The following LDAH variants were observed in gnomAD, a reference collection of about 807,000 sequenced individuals.
The protein encoded by LDAH is lipid droplet-associated hydrolase.
A neutral mutation model predicts 29.6 loss-of-function variants in LDAH; 26 were observed. The observed-to-expected ratio is 0.88, with a 90% CI of 0.64 to 1.22. The LOEUF (loss-of-function observed/expected upper bound fraction) is 1.22, where lower values mean the gene tolerates loss of function less well. Among genes scored for constraint, LDAH ranks in the 50% most tolerant of loss-of-function variants. The pLI is 0.00. For synonymous variants in LDAH, 117 were observed against 133.0 expected (o/e 0.88, Z 0.83); for missense variants, 344 against 387.3 (o/e 0.89, Z 0.94).
intron 1 of LDAH, among the ~76,000 whole-genome samples, chr2:20,809,107 G>A (rs1231707462): frequency 6.6e-6 from 1 of 151,732 alleles, no homozygotes; most frequent in Admixed American, 6.6e-5. Context: ...TAAAGGAAAA[G>A]ACTGCCAGGC....
At chr2:20,773,247 G>A (rs1400145279) in intron 4 of LDAH, among the ~76,000 whole-genome samples, 1 of 151,920 alleles carries the variant, frequency 6.6e-6, no homozygotes, top group East Asian at 1.9e-4. Context: ...TTTTACAAAT[G>A]AGGAAACTGA....
At chr2:20,737,461 G>T (rs1472405867) in intron 5 of LDAH, among the ~76,000 whole-genome samples, 4 of 152,162 alleles carry the variant, frequency 2.6e-5, no homozygotes, top group African/African-American at 9.7e-5. Flanking sequence ...AACCTGTAAA[G>T]AGACGTAAAA....
intron 5 of LDAH, among the ~76,000 whole-genome samples, chr2:20,707,074 C>T (rs1373467746): frequency 6.6e-6 from 1 of 152,128 alleles, no homozygotes; most frequent in East Asian, 1.9e-4. Flanking sequence ...ACAACCAATC[C>T]AAAGGCCATA....
intron 3 of LDAH, among the ~76,000 whole-genome samples, chr2:20,782,475 A>G (rs1670262861): frequency 6.6e-6 from 1 of 152,182 alleles, no homozygotes; most frequent in African/African-American, 2.4e-5. Context: ...CCTCAAGGAT[A>G]TTGACCTATA....
At chr2:20,703,786 G>A (rs1664127141) in intron 5 of LDAH, among the ~76,000 whole-genome samples, 1 of 152,094 alleles carries the variant, frequency 6.6e-6, no homozygotes, top group African/African-American at 2.4e-5. Flanking sequence ...TGTTCCTATT[G>A]TTTTCTAAGT....
At chr2:20,763,445 C>T (rs762453587) in intron 4 of LDAH, among the ~76,000 whole-genome samples, 3 of 152,202 alleles carry the variant, frequency 2.0e-5, no homozygotes, top group Admixed American at 6.5e-5. Flanking sequence ...GTGAGCCCCA[C>T]CCCTTGGGGT....
chr2:20,811,269 C>T (rs1194905035), intron 1 of LDAH, among the ~76,000 whole-genome samples: 2 of 151,932 alleles, frequency 1.3e-5, no homozygotes, highest in Non-Finnish European at 2.9e-5. Flanking sequence ...CCGCCCATCT[C>T]GGCCTCCCAA....
intron 5 of LDAH, among the ~76,000 whole-genome samples, chr2:20,705,333 C>G (rs1164541242): frequency 6.6e-6 from 1 of 152,212 alleles, no homozygotes; most frequent in African/African-American, 2.4e-5. Context: ...TGTCTTAGCT[C>G]TAGAATCCTG....
chr2:20,768,592 G>A (rs1201974291), intron 4 of LDAH, among the ~76,000 whole-genome samples: 4 of 152,178 alleles, frequency 2.6e-5, no homozygotes, highest in South Asian at 4.1e-4. Context: ...CCGGCAGCAT[G>A]AGCTGAGCAT....
intron 5 of LDAH, among the ~76,000 whole-genome samples, chr2:20,739,311 T>C (rs1413542069): frequency 6.6e-6 from 1 of 152,202 alleles, no homozygotes; most frequent in Non-Finnish European, 1.5e-5. Context: ...TACGGAGTAT[T>C]GTTATCCCCA....
At position 20,821,730 on chromosome 2, in the gene LDAH, C is replaced by T. The variant is rs1187501656; in HGVS notation, c.-3+1307G>A. On this transcript the variant is annotated intron_variant, in intron 1 of 6. Transcript: ENST00000237822. The stretch of plus-strand genomic sequence containing the variant: ...TGTATACATATGTAACAAACCTGCA[C>T]GTTGTGCATATGTACCCTAGAACTT... 2.6e-5 allele frequency among the ~76,000 whole-genome samples: 4 copies of T among 151,662 alleles called. No homozygotes were observed. In the East Asian group the frequency reaches 5.8e-4, roughly 22 times the overall value.
At chr2:20,775,630 T>A (rs1176059138) in intron 3 of LDAH, among the ~76,000 whole-genome samples, 1 of 152,220 alleles carries the variant, frequency 6.6e-6, no homozygotes, top group Non-Finnish European at 1.5e-5. Context: ...TAGGTAGAAA[T>A]GTTAAAAACT....
At chr2:20,733,241 A>AT (rs201609543) in intron 5 of LDAH, among the ~76,000 whole-genome samples, 24 of 150,090 alleles carry the variant, frequency 1.6e-4, no homozygotes, top group Admixed American at 6.0e-4. Flanking sequence ...TAATAATTTT[A>AT]TTTTTTTTTG....
intron 1 of LDAH, among the ~76,000 whole-genome samples, chr2:20,806,436 T>C (rs1672070748): frequency 6.6e-6 from 1 of 152,126 alleles, no homozygotes; most frequent in Non-Finnish European, 1.5e-5. Context: ...TTGGAAAATA[T>C]ATGGTGACTG....
At chr2:20,816,661 C>T (rs188560141) in intron 1 of LDAH, among the ~76,000 whole-genome samples, 97 of 151,884 alleles carry the variant, frequency 6.4e-4, no homozygotes, top group Non-Finnish European at 9.6e-4. Flanking sequence ...TCTTCAGCAA[C>T]GAAAATAACT....
chr2:20,715,598 T>C (rs1378105359), intron 5 of LDAH, among the ~76,000 whole-genome samples: 3 of 152,180 alleles, frequency 2.0e-5, no homozygotes, highest in Non-Finnish European at 4.4e-5. Context: ...ATTGTCCCTG[T>C]TTGCAGATGA....
intron 5 of LDAH, among the ~76,000 whole-genome samples, chr2:20,707,302 A>G (rs999124525): frequency 6.6e-6 from 1 of 152,102 alleles, no homozygotes; most frequent in African/African-American, 2.4e-5. Context: ...GGGGACCACA[A>G]TGAAGGCTCT....
At chr2:20,724,841 T>C (rs1055769486) in intron 5 of LDAH, among the ~76,000 whole-genome samples, 1 of 152,250 alleles carries the variant, frequency 6.6e-6, no homozygotes, top group African/African-American at 2.4e-5. Flanking sequence ...TGGTGGTACG[T>C]AGCCTAGTAC....
intron 4 of LDAH, among the ~76,000 whole-genome samples, chr2:20,758,019 C>A (rs1668449297): frequency 6.6e-6 from 1 of 152,224 alleles, no homozygotes; most frequent in African/African-American, 2.4e-5. Context: ...TAATAAACCT[C>A]TTTCCATGTG....
Sources: allele counts gnomAD v4.1 joint callset (sites outside exome capture counted in the v4.1 genomes callset), GRCh38; gene constraint gnomAD v4.1.1; transcripts MANE v1.5; gene names NCBI Gene and HGNC (gene_info 2026-07-23, HGNC 2026-07-21).